The following MARCHF3 variants were observed in gnomAD, a reference collection of about 807,000 sequenced individuals.
MARCHF3 encodes membrane associated ring-CH-type finger 3.
MARCHF3 carries 13 observed loss-of-function variants against 24.2 expected under a neutral mutation model. The ratio of observed to expected loss-of-function variants is 0.54; its 90% CI spans 0.35 to 0.85. The LOEUF (loss-of-function observed/expected upper bound fraction) is 0.85. MARCHF3 is among the 40% of genes least tolerant of loss of function. The pLI, the probability that MARCHF3 is intolerant of heterozygous loss-of-function variation, is 0.01. For missense variants in MARCHF3, 276 were observed against 325.0 expected (o/e 0.85, Z 1.16); for synonymous variants, 144 against 137.3 (o/e 1.05, Z -0.34).
intron 1 of MARCHF3, among the ~76,000 whole-genome samples, chr5:126,999,937 C>A (rs1037418106): frequency 1.3e-5 from 2 of 151,444 alleles, no homozygotes; most frequent in African/African-American, 4.8e-5. Context: ...AGTAGCTTTT[C>A]TACTAGTGAG....
At chr5:127,004,515 C>T (rs561997870) in intron 1 of MARCHF3, among the ~76,000 whole-genome samples, 1 of 151,612 alleles carries the variant, frequency 6.6e-6, no homozygotes, top group African/African-American at 2.4e-5. Flanking sequence ...TCTACTACCT[C>T]ATTACATAGG....
intron 4 of MARCHF3, among the ~76,000 whole-genome samples, chr5:126,871,585 C>T (rs1052964964): frequency 6.6e-6 from 1 of 152,222 alleles, no homozygotes; most frequent in Admixed American, 6.5e-5. Context: ...TCTTTGCATG[C>T]CCAGCACCTG....
At chr5:126,900,349 G>T (rs183472412) in intron 3 of MARCHF3, among the ~76,000 whole-genome samples, 1 of 152,184 alleles carries the variant, frequency 6.6e-6, no homozygotes, top group East Asian at 1.9e-4. Context: ...CAAGGTGATG[G>T]TATTAGGAAG....
chr5:126,897,022 A>G (rs1022491528), intron 3 of MARCHF3, among the ~76,000 whole-genome samples: 8 of 139,864 alleles, frequency 5.7e-5, no homozygotes, highest in Non-Finnish European at 1.2e-4. Flanking sequence ...CCTTGGTTCA[A>G]TCCAACTTTC....
chr5:127,006,448 C>T (rs1752316264), intron 1 of MARCHF3, among the ~76,000 whole-genome samples: 2 of 152,166 alleles, frequency 1.3e-5, no homozygotes, highest in African/African-American at 4.8e-5. Context: ...AGACTGTAAA[C>T]ATTTACAAAC....
At chr5:126,971,448 CAAAAAAA>C (rs60881844) in intron 1 of MARCHF3, among the ~76,000 whole-genome samples, 8 of 89,764 alleles carry the variant, frequency 8.9e-5, no homozygotes, top group African/African-American at 2.9e-4. Context: ...GACTCTGTCT[CAAAAAAA>C]AAAAAAAAAA....
rs757479478 is a variant in MARCHF3 at position 126,992,766 on chromosome 5, A to ATTTTTTTTTTTTTTT, written c.-57+37569_-57+37583dup. Among the ~76,000 whole-genome samples, 35 of 95,504 alleles carry ATTTTTTTTTTTTTTT rather than the reference A, an allele frequency of 3.7e-4. 3 individuals carry two copies. The highest frequency in any genetic ancestry group is 1.3e-3 in the African/African-American group (31 of 24,126). 62.7% of individuals were successfully genotyped at this position (95,504 alleles called of 152,430 possible). ...TCTTCCTCTTTTTGACATCCACGTG[A>ATTTTTTTTTTTTTTT]TTTTTTTTTTTTTTTTTTTTTTTGA... On this transcript the variant is annotated intron_variant, in intron 1 of 4. Coordinates refer to ENST00000308660, the MANE Select transcript of MARCHF3 (RefSeq NM_178450.5).
At chr5:126,927,066 C>A (rs969062683) in intron 1 of MARCHF3, among the ~76,000 whole-genome samples, 1 of 152,142 alleles carries the variant, frequency 6.6e-6, no homozygotes, top group Non-Finnish European at 1.5e-5. Context: ...CACAGGAACT[C>A]CCCCTGGAAT....
chr5:126,916,194 C>T (rs1363977217), intron 2 of MARCHF3, among the ~76,000 whole-genome samples: 1 of 152,126 alleles, frequency 6.6e-6, no homozygotes, highest in Non-Finnish European at 1.5e-5. Context: ...GGTACCCTGC[C>T]CTGGGAGAGG....
intron 1 of MARCHF3, among the ~76,000 whole-genome samples, chr5:126,953,975 A>G (rs1211774334): frequency 6.6e-6 from 1 of 152,152 alleles, no homozygotes. Context: ...ATAATCCATC[A>G]TATTTTTAAT....
chr5:126,870,599 C>A lies in MARCHF3; in HGVS notation c.*34G>T, dbSNP rs778213252. The A allele has an allele frequency of 9.8e-5, 157 of 1,605,348 alleles. 2 individuals are homozygous for A. The South Asian group carries it at 1.5e-3, about 15-fold the overall frequency. On this transcript the variant is annotated 3_prime_UTR_variant, in exon 5 of 5. Transcript: ENST00000308660. ...AGTGCAGACACTTCCAAACCCCAAA[C>A]AATGAATCAAACAACCAACCAACCA...
chr5:126,992,120 T>A (rs181624624), intron 1 of MARCHF3, among the ~76,000 whole-genome samples: 146 of 151,148 alleles, frequency 9.7e-4, no homozygotes, highest in Non-Finnish European at 1.6e-3. Context: ...AAACCTGTGA[T>A]TGTTCCCCCA....
At chr5:126,951,699 T>C (rs528170089) in intron 1 of MARCHF3, among the ~76,000 whole-genome samples, 110 of 152,306 alleles carry the variant, frequency 7.2e-4, no homozygotes, top group African/African-American at 2.6e-3. Flanking sequence ...ACCCATCTTT[T>C]CCCTGTTGCT....
intron 3 of MARCHF3, among the ~76,000 whole-genome samples, chr5:126,882,663 T>C (rs574736744): frequency 1.2e-3 from 181 of 152,336 alleles, no homozygotes; most frequent in African/African-American, 4.0e-3. Context: ...TGTGTGTCTG[T>C]CTTCCCATTC....
intron 3 of MARCHF3, among the ~76,000 whole-genome samples, chr5:126,882,891 T>G (rs1431933544): frequency 6.6e-6 from 1 of 152,188 alleles, no homozygotes; most frequent in Non-Finnish European, 1.5e-5. Context: ...CACAGAGAAT[T>G]TAAATAACTT....
intron 1 of MARCHF3, among the ~76,000 whole-genome samples, chr5:126,966,991 T>C (rs2126826353): frequency 6.9e-6 from 1 of 144,840 alleles, no homozygotes; most frequent in South Asian, 2.2e-4. Flanking sequence ...TATTTTCATA[T>C]GTTTTTGGGG....
intron 1 of MARCHF3, among the ~76,000 whole-genome samples, chr5:126,959,485 G>A (rs1217465380): frequency 6.6e-6 from 1 of 152,148 alleles, no homozygotes; most frequent in Non-Finnish European, 1.5e-5. Flanking sequence ...ATGTATCATA[G>A]GCTCCTGGAT....
At chr5:127,018,901 G>C (rs768407022) in intron 1 of MARCHF3, among the ~76,000 whole-genome samples, 3 of 151,992 alleles carry the variant, frequency 2.0e-5, no homozygotes, top group African/African-American at 4.8e-5. Context: ...ATTTACAAAA[G>C]GGTACTCAAT....
At chr5:126,964,229 A>G (rs1750733508) in intron 1 of MARCHF3, among the ~76,000 whole-genome samples, 1 of 152,202 alleles carries the variant, frequency 6.6e-6, no homozygotes, top group Admixed American at 6.5e-5. Context: ...CACAGCACAC[A>G]CAAAGGTGAG....
Sources: allele counts gnomAD v4.1 joint callset (sites outside exome capture counted in the v4.1 genomes callset), GRCh38; gene constraint gnomAD v4.1.1; transcripts MANE v1.5; gene names NCBI Gene and HGNC (gene_info 2026-07-23, HGNC 2026-07-21).